The following ADAMTS8 variants were observed in gnomAD, a reference collection of about 807,000 sequenced individuals.
ADAMTS8 encodes A disintegrin and metalloproteinase with thrombospondin motifs 8.
ADAMTS8 carries 50 observed loss-of-function variants against 64.4 expected under a neutral mutation model. That is an observed-to-expected ratio of 0.78 (90% confidence interval 0.62 to 0.98). ADAMTS8 has a LOEUF of 0.98. Among genes scored for constraint, ADAMTS8 ranks in the 50% least tolerant of loss-of-function variants. The pLI is 0.00. For synonymous variants in ADAMTS8, 556 were observed against 533.6 expected, an observed-to-expected ratio of 1.04 and a Z score of -0.58; for missense variants, 1,192 against 1,208.2, an observed-to-expected ratio of 0.99 and a Z score of 0.20.
At position 130,428,095 on chromosome 11, in the gene ADAMTS8, G is replaced by T. The variant is rs757986776; in HGVS notation, c.192C>A (p.Phe64Leu). 9.8e-6 allele frequency: 15 copies of T among 1,535,388 alleles called. No individual in the cohort carries two copies. The highest frequency in any genetic ancestry group is 1.3e-5 in the Non-Finnish European group (15 of 1,150,492). The change falls in exon 1 of 9, where the codon TTC (phenylalanine) becomes TTA (leucine). Residue 64 changes from phenylalanine to leucine, a missense_variant. Transcript: ENST00000257359. ...ALHLSAFGKG[F>L]VLRLAPDDSF... ...TGTCGTCGGGCGCCAGGCGCAGCACGAAGCCCTTGCCGAAGGCGGACAGGT... is the reference window on the plus strand; with the variant it reads ...TGTCGTCGGGCGCCAGGCGCAGCACTAAGCCCTTGCCGAAGGCGGACAGGT...
intron 5 of ADAMTS8, among the ~76,000 whole-genome samples, chr11:130,413,460 G>A (rs1164581959): frequency 1.3e-5 from 2 of 152,182 alleles, no homozygotes; most frequent in African/African-American, 2.4e-5. Context: ...AGGAGTGCTT[G>A]GGCCACCCTG....
At position 130,416,973 on chromosome 11, in the gene ADAMTS8, G is replaced by A. The variant is rs1862034406; in HGVS notation, c.1063C>T (p.Leu355Phe). The A allele has an allele frequency of 5.0e-6, 8 of 1,614,024 alleles. No homozygotes were observed. The highest frequency in any genetic ancestry group is 6.8e-6 in the Non-Finnish European group (8 of 1,180,038). The change falls in exon 3 of 9, where the codon CTC becomes TTC. Residue 355 changes from leucine (L) to phenylalanine (F), a missense_variant. By Grantham distance (22) the Leu-to-Phe change is conservative (BLOSUM62 0). This residue lies in a region of ADAMTS8 where 741 missense variants were observed against 710.6 expected (regional missense o/e 1.04). Coordinates refer to ENST00000257359, the MANE Select transcript of ADAMTS8 (RefSeq NM_007037.6). The surrounding 1 kb of genome is among the most constrained non-coding windows in gnomAD (Gnocchi z 4.8). ...TGGGCCAGGGTGTGGGCCGCCTGGA[G>A]CCCCTCATCCTCGATCACGGAGCAG... ...KSCSVIEDEG[L>F]QAAHTLAHEL...
chr11:130,422,508 A>C (rs1270218069), intron 1 of ADAMTS8, among the ~76,000 whole-genome samples: 1 of 151,966 alleles, frequency 6.6e-6, no homozygotes, highest in African/African-American at 2.4e-5. Flanking sequence ...GCCTGGGGGG[A>C]GGTCAGGTGA....
At chr11:130,406,346 A>C (rs1327808273) in intron 8 of ADAMTS8, among the ~76,000 whole-genome samples, 3 of 152,238 alleles carry the variant, frequency 2.0e-5, no homozygotes, top group African/African-American at 7.2e-5. Flanking sequence ...TTCATCTGGC[A>C]ACTCTATTTC....
chr11:130,405,213 A>C lies in ADAMTS8; in HGVS notation c.*345T>G. On this transcript the variant is annotated 3_prime_UTR_variant, in exon 9 of 9. Coordinates refer to ENST00000257359, the MANE Select transcript of ADAMTS8 (RefSeq NM_007037.6). The stretch of plus-strand genomic sequence containing the variant: ...ATTATTTATCGGGGAAACCAGATAG[A>C]ATTTTTTTTTTCATTTAAGTTTGCT... The C allele has an allele frequency of 9.4e-7, 1 of 1,063,140 alleles. No individual in the cohort carries two copies. Among genetic ancestry groups the C allele is most frequent in the African/African-American group, 1.7e-5 (1 of 60,156 alleles). 65.9% of individuals were successfully genotyped at this position (1,063,140 alleles called of 1,614,324 possible).
At position 130,427,907 on chromosome 11, in the gene ADAMTS8, A is replaced by G. The variant is rs1248934597; in HGVS notation, c.380T>C (p.Leu127Pro). Residue 127 changes from leucine to proline, a missense_variant, in exon 1 of 9, where the codon CTG becomes CCG. This residue lies in a region of ADAMTS8 where 741 missense variants were observed against 710.6 expected (regional missense o/e 1.04). Transcript: ENST00000257359. Reference protein sequence around the residue: ...SLCRGLSGSFLLDGEEFTIQP... With the variant: ...SLCRGLSGSFPLDGEEFTIQP... ...GATGGTGAACTCCTCGCCGTCCAGC[A>G]GGAAGGAGCCGCTCAGCCCGCGGCA... 1 of 1,534,140 alleles carries G rather than the reference A, an allele frequency of 6.5e-7. No homozygotes were observed. Among genetic ancestry groups the G allele is most frequent in the East Asian group, 2.5e-5 (1 of 40,810 alleles).
Position 130,406,063 on chromosome 11 carries a change from C to T in ADAMTS8, c.2165G>A (p.Ser722Asn), listed in dbSNP as rs367590895. The T allele has an allele frequency of 2.0e-5, 33 of 1,613,794 alleles. No individual in the cohort carries two copies. The highest frequency in any genetic ancestry group is 2.4e-5 in the Non-Finnish European group (28 of 1,180,050). The change falls in exon 9 of 9, where the codon AGC (serine) becomes AAC (asparagine). Residue 722 changes from serine to asparagine, a missense_variant. By Grantham distance (46) the Ser-to-Asn change is conservative. Coordinates refer to ENST00000257359, the MANE Select transcript of ADAMTS8 (RefSeq NM_007037.6). ...CCCATCGTTCTGCACACCCGGGTGG[C>T]TCCGCTGCTTCACGTCAATATTAGT... Reference protein sequence around the residue: ...GATNIDVKQRSHPGVQNDGNY... With the variant: ...GATNIDVKQRNHPGVQNDGNY...
intron 1 of ADAMTS8, among the ~76,000 whole-genome samples, chr11:130,423,396 G>C (rs1288480423): frequency 6.6e-6 from 1 of 152,194 alleles, no homozygotes; most frequent in Non-Finnish European, 1.5e-5. Context: ...ACAGAGCAGG[G>C]GGGGGCATGA....
Position 130,411,312 on chromosome 11 carries a change from A to C in ADAMTS8, c.1750+105T>G. The C allele has an allele frequency of 7.2e-7, 1 of 1,388,012 alleles. No homozygotes were observed. The highest frequency in any genetic ancestry group is 9.9e-7 in the Non-Finnish European group (1 of 1,011,494). 86.0% of individuals were successfully genotyped at this position (1,388,012 alleles called of 1,614,324 possible). A position where few individuals can be genotyped will look rare whatever the true frequency, so the allele number is the denominator to read the frequency against. ...TTTACTCCCCTCTGGGAGTAACTCTATATCCCGGGACACCCACTTCACTCC... is the reference window on the plus strand; with the variant it reads ...TTTACTCCCCTCTGGGAGTAACTCTCTATCCCGGGACACCCACTTCACTCC... On this transcript the variant is annotated intron_variant, in intron 6 of 8. Transcript: ENST00000257359. This position sits in a 1 kb window ranked among gnomAD's most constrained non-coding sequence, Gnocchi z 4.2.
chr11:130,412,423 A>G (rs1016589565), intron 5 of ADAMTS8, among the ~76,000 whole-genome samples: 6 of 152,092 alleles, frequency 3.9e-5, no homozygotes, highest in African/African-American at 1.4e-4. Context: ...CATGTTGGCC[A>G]TGCTGGTCTT....
chr11:130,412,283 G>T (rs980240616), intron 5 of ADAMTS8, among the ~76,000 whole-genome samples: 1 of 152,120 alleles, frequency 6.6e-6, no homozygotes, highest in East Asian at 1.9e-4. Flanking sequence ...GCGTGATCTC[G>T]GCTCACTGCA....
Position 130,414,805 on chromosome 11 carries a change from G to A in ADAMTS8, c.1292C>T (p.Ala431Val), listed in dbSNP as rs764943940. 3.0e-5 allele frequency: 48 copies of A among 1,609,808 alleles called. No homozygotes were observed. Among genetic ancestry groups the A allele is most frequent in the African/African-American group, 8.0e-5 (6 of 74,880 alleles). Residue 431 changes from alanine (A) to valine (V), a missense_variant, in exon 5 of 9, where the codon GCG becomes GTG. Coordinates refer to ENST00000257359, the MANE Select transcript of ADAMTS8 (RefSeq NM_007037.6). Reference sequence around the variant, plus strand: ...GAGGCCTGTGGGGAGGGGCAGGGCCGCAGCAGGGGCATCCAGGAGACAGTC... The same window carrying A: ...GAGGCCTGTGGGGAGGGGCAGGGCCACAGCAGGGGCATCCAGGAGACAGTC... ...HGDCLLDAPAAALPLPTGLPG... is the reference protein window; with the variant it reads ...HGDCLLDAPAVALPLPTGLPG...
At chr11:130,423,139 T>C (rs750160710) in intron 1 of ADAMTS8, among the ~76,000 whole-genome samples, 1 of 152,236 alleles carries the variant, frequency 6.6e-6, no homozygotes, top group Non-Finnish European at 1.5e-5. Flanking sequence ...TAAGGAAAAC[T>C]GCAGCCTAGC....
At position 130,414,756 on chromosome 11, in the gene ADAMTS8, C is replaced by T. The variant is rs745434103; in HGVS notation, c.1341G>A (p.Gln447=). ...AGATCTGCCTGCACTGCTGGTCCAG[C>T]TGGTACAGGGCCATGCGGCCCGGGA... is the stretch of plus-strand genomic sequence containing the variant. ...TGLPGRMALY[Q]LDQQCRQIFG... Residue 447 remains glutamine (Q), a synonymous_variant, in exon 5 of 9, where the codon CAG becomes CAA. Transcript: ENST00000257359. The T allele has an allele frequency of 2.4e-5, 39 of 1,613,414 alleles. No individual in the cohort carries two copies. The highest frequency in any genetic ancestry group is 1.8e-5 in the Non-Finnish European group (21 of 1,180,046).
At chr11:130,408,697 G>C in intron 7 of ADAMTS8, 58 bp from the exon 8 acceptor site, 2 of 1,610,218 alleles carry the variant, frequency 1.2e-6, no homozygotes, top group Non-Finnish European at 1.7e-6. Flanking sequence ...GCAGCCTGCC[G>C]GGGGGCGGGG....
intron 5 of ADAMTS8, among the ~76,000 whole-genome samples, chr11:130,412,726 C>T (rs1306216545): frequency 6.6e-6 from 1 of 152,206 alleles, no homozygotes; most frequent in Admixed American, 6.5e-5. Context: ...AAACCATTAA[C>T]ATGATTTTCA....
At chr11:130,417,103 T>TG in intron 2 of ADAMTS8, 28 bp from the exon 3 acceptor site, 1 of 1,612,474 alleles carries the variant, frequency 6.2e-7, no homozygotes, top group African/African-American at 1.3e-5. Context: ...AGCAAGAGAG[T>TG]GCATCAGTGT....
chr11:130,425,938 G>A (rs1186388601), intron 1 of ADAMTS8, among the ~76,000 whole-genome samples: 1 of 152,102 alleles, frequency 6.6e-6, no homozygotes, highest in Non-Finnish European at 1.5e-5. Context: ...CTAGGAGCCA[G>A]GTGTGGGGGT....
chr11:130,416,814 T>C lies in ADAMTS8; in HGVS notation c.1096+126A>G. 3 of 1,445,534 alleles carry C rather than the reference T, an allele frequency of 2.1e-6. No individual in the cohort carries two copies. In the South Asian group the frequency reaches 3.8e-5, roughly 18 times the overall value. The allele number at this position is 1,445,534 out of a possible 1,614,324, so 89.5% of individuals were successfully genotyped here. ...GGTATCTGTTTGTATACAGTCACCC[T>C]GTCAAAATTAGGAGGAGCTATTCCT... On this transcript the variant is annotated intron_variant, in intron 3 of 8. Transcript: ENST00000257359. This position sits in a 1 kb window ranked among gnomAD's most constrained non-coding sequence, Gnocchi z 4.8.
Sources: allele counts gnomAD v4.1 joint callset (sites outside exome capture counted in the v4.1 genomes callset), GRCh38; gene constraint gnomAD v4.1.1; regional missense constraint gnomAD v4.1.1; non-coding constraint Gnocchi (gnomAD v3.1); transcripts MANE v1.5; gene names NCBI Gene and HGNC (gene_info 2026-07-23, HGNC 2026-07-21).